TMEM45B: variants seen among roughly 807,000 people sequenced by gnomAD.
TMEM45B encodes the protein transmembrane protein 45B.
TMEM45B carries 29 observed loss-of-function variants against 27.3 expected under a neutral mutation model. The ratio of observed to expected loss-of-function variants is 1.06; its 90% CI spans 0.79 to 1.45. TMEM45B has a LOEUF of 1.45. Among genes scored for constraint, TMEM45B ranks in the 40% most tolerant of loss-of-function variants. TMEM45B has a pLI of 0.00. For synonymous variants in TMEM45B, 143 were observed against 134.7 expected, an observed-to-expected ratio of 1.06 and a Z score of -0.43; for missense variants, 348 against 343.9, an observed-to-expected ratio of 1.01 and a Z score of -0.09.
rs773413068 is a variant in TMEM45B, at chr11:129,854,601, T to C, written c.179-9T>C. On this transcript the variant is annotated splice_polypyrimidine_tract_variant and intron_variant, in intron 2 of 5. Coordinates refer to ENST00000281441, the MANE Select transcript of TMEM45B (RefSeq NM_138788.5). ...TCCCTCTAAAACATCCATCCTCATT[T>C]CCCTGCAGGGATCCTGGCAGAGCAG... 1 of 1,613,908 alleles carries C rather than the reference T, an allele frequency of 6.2e-7. No individual in the cohort carries two copies. Among genetic ancestry groups the C allele is most frequent in the East Asian group, 2.2e-5 (1 of 44,890 alleles).
chr11:129,819,187 G>C (rs752781800), intron 1 of TMEM45B, among the ~76,000 whole-genome samples: 11 of 152,168 alleles, frequency 7.2e-5, no homozygotes, highest in Non-Finnish European at 1.2e-4. Context: ...CTTATTCCTA[G>C]CACAGTGCCC....
chr11:129,848,299 T>C (rs1307813718), intron 1 of TMEM45B, among the ~76,000 whole-genome samples: 3 of 152,092 alleles, frequency 2.0e-5, no homozygotes, highest in Admixed American at 2.0e-4. Context: ...TCACTCGCGG[T>C]TAGGAGCTGG....
intron 2 of TMEM45B, among the ~76,000 whole-genome samples, 190 bp from the exon 3 acceptor site, chr11:129,854,420 G>A (rs554665807): frequency 6.6e-6 from 1 of 152,294 alleles, no homozygotes; most frequent in Admixed American, 6.5e-5. Flanking sequence ...TGTCTACACA[G>A]GTGACTCAGC....
At chr11:129,818,324 G>T (rs1565360900) in intron 1 of TMEM45B, among the ~76,000 whole-genome samples, 1 of 152,214 alleles carries the variant, frequency 6.6e-6, no homozygotes, top group East Asian at 1.9e-4. Flanking sequence ...TGTATGTGAT[G>T]CAGAGTTCAA....
chr11:129,843,305 T>C lies in TMEM45B; in HGVS notation c.-8-9170T>C, dbSNP rs181454945. Among the ~76,000 whole-genome samples the C allele has an allele frequency of 1.9e-3, 282 of 152,362 alleles. 1 individual carries two copies. The highest frequency in any genetic ancestry group is 6.4e-3 in the African/African-American group (266 of 41,592). On this transcript the variant is annotated intron_variant, in intron 1 of 5. Coordinates refer to ENST00000281441, the MANE Select transcript of TMEM45B (RefSeq NM_138788.5). ...TCTCAAATGAGTTTAGGAAAAGTTA[T>C]GATTTTGTAGTTTATCTGCTATCGT...
In TMEM45B at chr11:129,854,831, C is replaced by A. The variant is rs768152205; in HGVS notation, c.385+15C>A. ...ATTCATGGAAGGTAATTTTGTGGAA[C>A]GGATGGAGAGGAAGGAGAGCCTGAC... On this transcript the variant is annotated intron_variant, in intron 3 of 5. Transcript: ENST00000281441. 1.9e-6 allele frequency: 3 copies of A among 1,609,422 alleles called. No individual in the cohort carries two copies. Among genetic ancestry groups the A allele is most frequent in the South Asian group, 2.2e-5 (2 of 91,020 alleles).
chr11:129,855,348 A>T (rs1001943855), intron 3 of TMEM45B, among the ~76,000 whole-genome samples: 1 of 152,166 alleles, frequency 6.6e-6, no homozygotes, highest in African/African-American at 2.4e-5. Context: ...GTATGAAAAT[A>T]CATTTTGTCA....
intron 1 of TMEM45B, among the ~76,000 whole-genome samples, chr11:129,830,910 A>C (rs1013998229): frequency 2.6e-5 from 4 of 152,212 alleles, no homozygotes; most frequent in Admixed American, 6.5e-5. Context: ...TTAAACATAG[A>C]GTTACCATCT....
At chr11:129,819,002 C>G (rs1031177303) in intron 1 of TMEM45B, among the ~76,000 whole-genome samples, 8 of 152,172 alleles carry the variant, frequency 5.3e-5, no homozygotes, top group Non-Finnish European at 1.2e-4. Context: ...TTGATGTACT[C>G]TTTTGGTTTG....
intron 1 of TMEM45B, among the ~76,000 whole-genome samples, chr11:129,818,083 C>A (rs1225798959): frequency 6.6e-6 from 1 of 152,184 alleles, no homozygotes. Context: ...CAATTAGAGG[C>A]CACAGGTGAG....
chr11:129,853,903 C>CA (rs1947883938), intron 2 of TMEM45B, among the ~76,000 whole-genome samples: 1 of 152,224 alleles, frequency 6.6e-6, no homozygotes, highest in African/African-American at 2.4e-5. Flanking sequence ...GGCATAAAGA[C>CA]AAATCTTTTG....
intron 1 of TMEM45B, among the ~76,000 whole-genome samples, chr11:129,824,537 T>C (rs1461601977): frequency 1.3e-5 from 2 of 152,228 alleles, no homozygotes; most frequent in Non-Finnish European, 2.9e-5. Context: ...AAGAATTGTA[T>C]GAAAATAGTA....
At chr11:129,825,453 A>C (rs1947466832) in intron 1 of TMEM45B, among the ~76,000 whole-genome samples, 1 of 151,860 alleles carries the variant, frequency 6.6e-6, no homozygotes, top group South Asian at 2.1e-4. Flanking sequence ...GGTGTCTAAG[A>C]AACATCTATA....
At chr11:129,821,227 A>G (rs764052132) in intron 1 of TMEM45B, among the ~76,000 whole-genome samples, 1 of 152,156 alleles carries the variant, frequency 6.6e-6, no homozygotes, top group Non-Finnish European at 1.5e-5. Flanking sequence ...ATCACCAAGA[A>G]GTCATTTCCT....
At chr11:129,829,910 A>G (rs1172040405) in intron 1 of TMEM45B, among the ~76,000 whole-genome samples, 1 of 152,284 alleles carries the variant, frequency 6.6e-6, no homozygotes, top group African/African-American at 2.4e-5. Context: ...AAGATAGACA[A>G]GATGCCAAGA....
chr11:129,850,849 C>T (rs1228363217), intron 1 of TMEM45B, among the ~76,000 whole-genome samples: 3 of 152,184 alleles, frequency 2.0e-5, no homozygotes, highest in Non-Finnish European at 2.9e-5. Context: ...CCGTTCATGG[C>T]AATCCAGGCT....
chr11:129,832,063 C>T (rs1474319603), intron 1 of TMEM45B, among the ~76,000 whole-genome samples: 1 of 18,240 alleles, frequency 5.5e-5, no homozygotes, highest in Non-Finnish European at 1.2e-4. Context: ...GAGATTCCAT[C>T]TCAAAAAAAA....
At chr11:129,833,311 A>G (rs367806909) in intron 1 of TMEM45B, among the ~76,000 whole-genome samples, 2 of 152,060 alleles carry the variant, frequency 1.3e-5, no homozygotes, top group South Asian at 2.1e-4. Context: ...TAAATAACAT[A>G]TGGCGTTATG....
intron 1 of TMEM45B, among the ~76,000 whole-genome samples, chr11:129,829,255 T>G (rs1349161745): frequency 6.6e-6 from 1 of 152,214 alleles, no homozygotes; most frequent in Non-Finnish European, 1.5e-5. Flanking sequence ...CAGTTTCCTT[T>G]AGGAAGATGT....
Sources: allele counts gnomAD v4.1 joint callset (sites outside exome capture counted in the v4.1 genomes callset), GRCh38; gene constraint gnomAD v4.1.1; transcripts MANE v1.5; gene names NCBI Gene and HGNC (gene_info 2026-07-23, HGNC 2026-07-21).